WWP2: variants seen among roughly 807,000 people sequenced by gnomAD.
The protein encoded by WWP2 is WW domain containing E3 ubiquitin protein ligase 2, also known as NEDD4-like E3 ubiquitin-protein ligase WWP2.
Under a neutral mutation model 121.0 loss-of-function variants are expected in WWP2, and 57 were observed. The observed-to-expected ratio is 0.47, with a 90% CI of 0.38 to 0.59. WWP2 has a LOEUF of 0.59. Among genes scored for constraint, WWP2 ranks in the 20% least tolerant of loss-of-function variants. WWP2 has a pLI of 0.00. For synonymous variants in WWP2, 449 were observed against 441.3 expected, an observed-to-expected ratio of 1.02 and a Z score of -0.22; for missense variants, 962 against 1,158.9, an observed-to-expected ratio of 0.83 and a Z score of 2.47.
intron 6 of WWP2, 66 bp from the exon 7 acceptor site, chr16:69,871,738 G>A: frequency 3.1e-6 from 5 of 1,592,624 alleles, no homozygotes; most frequent in Non-Finnish European, 4.3e-6. Flanking sequence ...GATGACTTAG[G>A]TAGGAAACAC....
At chr16:69,927,851 G>A (rs2058661025) in intron 11 of WWP2, among the ~76,000 whole-genome samples, 1 of 152,154 alleles carries the variant, frequency 6.6e-6, no homozygotes, top group Admixed American at 6.5e-5. Flanking sequence ...AAATAGAGAT[G>A]AAGTCTCGCT....
chr16:69,802,927 G>T (rs1054845520), intron 4 of WWP2, among the ~76,000 whole-genome samples: 2 of 151,888 alleles, frequency 1.3e-5, no homozygotes, highest in African/African-American at 4.8e-5. Flanking sequence ...TTATGTATGT[G>T]CAAATATACC....
intron 6 of WWP2, among the ~76,000 whole-genome samples, chr16:69,846,943 G>C (rs565291517): frequency 1.8e-4 from 27 of 152,220 alleles, no homozygotes; most frequent in Admixed American, 1.7e-3. Flanking sequence ...ACCCTGGCTA[G>C]AGTGCAGTGG....
At chr16:69,815,939 G>T (rs1332771818) in intron 4 of WWP2, among the ~76,000 whole-genome samples, 1 of 151,882 alleles carries the variant, frequency 6.6e-6, no homozygotes, top group African/African-American at 2.4e-5. Flanking sequence ...TAAATTTCTT[G>T]TAGAGTCAGG....
At chr16:69,829,647 G>A (rs561743210) in intron 4 of WWP2, among the ~76,000 whole-genome samples, 2 of 152,302 alleles carry the variant, frequency 1.3e-5, no homozygotes, top group South Asian at 4.1e-4. Context: ...TTTTCCTGAT[G>A]TCCTGACCAG....
chr16:69,801,867 A>G (rs1241515070), intron 4 of WWP2, among the ~76,000 whole-genome samples: 1 of 152,072 alleles, frequency 6.6e-6, no homozygotes, highest in Non-Finnish European at 1.5e-5. Context: ...TTATACATGA[A>G]CATATTATTT....
intron 8 of WWP2, among the ~76,000 whole-genome samples, chr16:69,901,501 C>T (rs1163040871): frequency 6.6e-6 from 1 of 152,114 alleles, no homozygotes; most frequent in Non-Finnish European, 1.5e-5. Context: ...CAAGCTCTGC[C>T]TCCCGGGTTC....
In WWP2 at chr16:69,925,051, C is replaced by G. The variant is rs984417520; in HGVS notation, c.1180-379C>G. 1 of 1,010,382 alleles carries G rather than the reference C, an allele frequency of 9.9e-7. No homozygotes were observed. The highest frequency in any genetic ancestry group is 9.7e-5 in the East Asian group (1 of 10,350). The allele number at this position is 1,010,382 out of a possible 1,614,324, so 62.6% of individuals were successfully genotyped here. A position where few individuals can be genotyped will look rare whatever the true frequency, so the allele number is the denominator to read the frequency against. On this transcript the variant is annotated intron_variant, in intron 10 of 23. Transcript: ENST00000359154. The surrounding 1 kb of genome is among the most constrained non-coding windows in gnomAD (Gnocchi z 4.0). ...TGGTGGTGATTTCAGTCGCCTTGGC[C>G]GCCTTGAGCCGGAGCTGAGCGGAGG... is the stretch of plus-strand genomic sequence containing the variant.
intron 4 of WWP2, among the ~76,000 whole-genome samples, chr16:69,807,494 C>G (rs1379930644): frequency 6.6e-6 from 1 of 151,450 alleles, no homozygotes; most frequent in African/African-American, 2.4e-5. Flanking sequence ...TGGTGTGTGC[C>G]TCTGGTCCCA....
intron 4 of WWP2, among the ~76,000 whole-genome samples, chr16:69,812,024 C>G (rs537294818): frequency 5.3e-5 from 8 of 152,228 alleles, no homozygotes; most frequent in Non-Finnish European, 8.8e-5. Flanking sequence ...TCAGATTTCC[C>G]AGCTGTCACA....
At chr16:69,797,894 A>C (rs1439998443) in intron 2 of WWP2, among the ~76,000 whole-genome samples, 1 of 152,094 alleles carries the variant, frequency 6.6e-6, no homozygotes, top group Non-Finnish European at 1.5e-5. Flanking sequence ...ATCTCAGAAA[A>C]AAAAAAAAAA....
chr16:69,914,071 C>CAAAAAAAAAA (rs34269202), intron 9 of WWP2, among the ~76,000 whole-genome samples: 3 of 32,216 alleles, frequency 9.3e-5, no homozygotes, highest in African/African-American at 1.1e-4. Flanking sequence ...GACTCTGTCT[C>CAAAAAAAAAA]AAAAAAAAAA....
intron 2 of WWP2, among the ~76,000 whole-genome samples, chr16:69,789,597 T>C (rs1011313619): frequency 3.3e-5 from 5 of 152,202 alleles, no homozygotes; most frequent in South Asian, 2.1e-4. Context: ...TATTGTTTCT[T>C]GTGTGTCTCT....
At chr16:69,909,002 A>G (rs1347054932) in intron 9 of WWP2, 152 bp downstream of exon 9, 11 of 1,447,854 alleles carry the variant, frequency 7.6e-6, no homozygotes, top group Admixed American at 5.4e-5. Context: ...ACTTACCTTA[A>G]TATTGCTCCC....
intron 11 of WWP2, among the ~76,000 whole-genome samples, chr16:69,926,546 G>A (rs1003037525): frequency 6.6e-5 from 10 of 152,142 alleles, no homozygotes; most frequent in African/African-American, 2.2e-4. Context: ...TTCTGCTCTC[G>A]GGTAGTTATT....
At chr16:69,838,424 G>A (rs74872275) in intron 4 of WWP2, among the ~76,000 whole-genome samples, 1 of 145,128 alleles carries the variant, frequency 6.9e-6, no homozygotes, top group Non-Finnish European at 1.5e-5. Context: ...GCGTAATAGA[G>A]GAGGGAGACC....
chr16:69,779,147 C>G (rs2055608870), intron 1 of WWP2, among the ~76,000 whole-genome samples: 1 of 152,102 alleles, frequency 6.6e-6, no homozygotes, highest in Non-Finnish European at 1.5e-5. Flanking sequence ...GATGGGGTTT[C>G]ACCATGTTGG....
intron 6 of WWP2, among the ~76,000 whole-genome samples, chr16:69,861,566 G>T (rs758279296): frequency 2.0e-5 from 3 of 151,980 alleles, no homozygotes; most frequent in South Asian, 2.1e-4. Flanking sequence ...CGTAAATTGC[G>T]CTTGCAGTGA....
chr16:69,841,034 T>A (rs2056967802), intron 5 of WWP2, among the ~76,000 whole-genome samples: 1 of 152,164 alleles, frequency 6.6e-6, no homozygotes, highest in Non-Finnish European at 1.5e-5. Context: ...TTTGGGGTGC[T>A]TTGGTGCTTG....
Sources: allele counts gnomAD v4.1 joint callset (sites outside exome capture counted in the v4.1 genomes callset), GRCh38; gene constraint gnomAD v4.1.1; non-coding constraint Gnocchi (gnomAD v3.1); transcripts MANE v1.5; gene names NCBI Gene and HGNC (gene_info 2026-07-23, HGNC 2026-07-21).